ADGRB3: variants seen among roughly 807,000 people sequenced by gnomAD.
The protein encoded by ADGRB3 is adhesion G protein-coupled receptor B3, also known as brain-specific angiogenesis inhibitor 3.
Under a neutral mutation model 193.4 loss-of-function variants are expected in ADGRB3, and 37 were observed. That is an observed-to-expected ratio of 0.19 (90% CI 0.15 to 0.25). The LOEUF is 0.25. ADGRB3 is among the 10% of genes least tolerant of loss of function. The pLI is 1.00. For synonymous variants in ADGRB3, 690 were observed against 644.2 expected (o/e 1.07, Z -1.08); for missense variants, 1,637 against 1,852.9 (o/e 0.88, Z 2.14).
intron 17 of ADGRB3, among the ~76,000 whole-genome samples, chr6:69,204,112 C>A (rs940456153): frequency 2.6e-5 from 4 of 152,040 alleles, no homozygotes; most frequent in Non-Finnish European, 5.9e-5. Flanking sequence ...TAAGCACTAA[C>A]CTTTCTTCTG....
At chr6:69,365,733 C>T (rs1013340234) in intron 29 of ADGRB3, among the ~76,000 whole-genome samples, 15 of 151,946 alleles carry the variant, frequency 9.9e-5, no homozygotes, top group Non-Finnish European at 2.1e-4. Flanking sequence ...AGAAAGGACA[C>T]CATTCTAGGC....
chr6:69,287,746 C>T (rs982815554), intron 20 of ADGRB3, among the ~76,000 whole-genome samples: 2 of 152,164 alleles, frequency 1.3e-5, no homozygotes, highest in Admixed American at 1.3e-4. Flanking sequence ...TGCCTCAATT[C>T]CTCCTCTAGT....
chr6:69,111,226 G>A (rs1020105039), intron 17 of ADGRB3, among the ~76,000 whole-genome samples: 2 of 152,110 alleles, frequency 1.3e-5, no homozygotes, highest in African/African-American at 4.8e-5. Flanking sequence ...CCATTCTTAG[G>A]AAAACCACTC....
intron 30 of ADGRB3, among the ~76,000 whole-genome samples, chr6:69,382,365 G>T (rs12173971): frequency 0.13 from 19,059 of 151,822 alleles, 1,268 homozygotes; most frequent in Middle Eastern, 0.3. Context: ...GGCAGGGCTT[G>T]GGATTTTGTT....
At chr6:69,115,418 G>A (rs1306742192) in intron 17 of ADGRB3, among the ~76,000 whole-genome samples, 3 of 152,070 alleles carry the variant, frequency 2.0e-5, no homozygotes, top group African/African-American at 7.2e-5. Flanking sequence ...ACACAAGGAG[G>A]GGAACAGCAC....
At chr6:68,761,627 A>G (rs1562019101) in intron 3 of ADGRB3, among the ~76,000 whole-genome samples, 2 of 151,282 alleles carry the variant, frequency 1.3e-5, no homozygotes, top group Admixed American at 6.6e-5. Flanking sequence ...CTTTTATTAT[A>G]TAGGCTGTAG....
At chr6:68,895,630 G>A (rs1229302204) in intron 3 of ADGRB3, among the ~76,000 whole-genome samples, 2 of 151,998 alleles carry the variant, frequency 1.3e-5, no homozygotes, top group African/African-American at 2.4e-5. Context: ...AGGGATTACT[G>A]TATTATACAG....
At chr6:69,330,652 T>G (rs1404929896) in intron 23 of ADGRB3, 80 bp downstream of exon 23, 2 of 1,202,226 alleles carry the variant, frequency 1.7e-6, no homozygotes, top group African/African-American at 3.1e-5. Flanking sequence ...GTGGCAATTT[T>G]GATAATGTAG....
At chr6:68,867,547 G>C (rs761371713) in intron 3 of ADGRB3, among the ~76,000 whole-genome samples, 6 of 152,162 alleles carry the variant, frequency 3.9e-5, no homozygotes, top group Non-Finnish European at 5.9e-5. Context: ...ACTGCATAGT[G>C]GAGCTATACA....
chr6:69,156,525 A>G (rs1457202642), intron 17 of ADGRB3, among the ~76,000 whole-genome samples: 1 of 152,164 alleles, frequency 6.6e-6, no homozygotes, highest in African/African-American at 2.4e-5. Flanking sequence ...AAGAAAAGAG[A>G]GTTCATCTGG....
At chr6:69,097,628 A>T (rs1284608827) in intron 17 of ADGRB3, among the ~76,000 whole-genome samples, 2 of 152,168 alleles carry the variant, frequency 1.3e-5, no homozygotes, top group Non-Finnish European at 2.9e-5. Context: ...GAGCTATTGC[A>T]TAATAAAATA....
chr6:68,783,648 A>T (rs1436312165), intron 3 of ADGRB3, among the ~76,000 whole-genome samples: 1 of 151,900 alleles, frequency 6.6e-6, no homozygotes, highest in Non-Finnish European at 1.5e-5. Flanking sequence ...TTCATAAGAG[A>T]AAAGCCTAGG....
Position 68,974,883 on chromosome 6 carries a change from C to T in ADGRB3, c.1627+19C>T, listed in dbSNP as rs746322127. 12 of 1,591,300 alleles carry T rather than the reference C, an allele frequency of 7.5e-6. No homozygotes were observed. The South Asian group carries it at 9.9e-5, about 13-fold the overall frequency. On this transcript the variant is annotated intron_variant, in intron 9 of 31. Coordinates refer to ENST00000370598, the MANE Select transcript of ADGRB3 (RefSeq NM_001704.3). ...GCCACAGGTACAGTAGGATGACCCA[C>T]CCAAACCCTAGTGATAATCCCCATC...
intron 3 of ADGRB3, among the ~76,000 whole-genome samples, chr6:68,768,081 G>A (rs183390353): frequency 2.0e-5 from 3 of 152,236 alleles, no homozygotes; most frequent in Admixed American, 6.6e-5. Context: ...CTCATGCATA[G>A]GAAGAATCAA....
chr6:69,065,790 CACACACACAT>C (rs1562144195), intron 16 of ADGRB3, among the ~76,000 whole-genome samples: 26 of 151,742 alleles, frequency 1.7e-4, no homozygotes, highest in African/African-American at 5.6e-4. Flanking sequence ...CACACACACA[CACACACACAT>C]ATGTACATAT....
At chr6:68,829,882 G>A (rs1353850637) in intron 3 of ADGRB3, among the ~76,000 whole-genome samples, 3 of 151,954 alleles carry the variant, frequency 2.0e-5, no homozygotes, top group Non-Finnish European at 4.4e-5. Flanking sequence ...ATTATTAGAA[G>A]AGGAAATAAA....
chr6:68,725,784 AG>A (rs1257611033), intron 3 of ADGRB3, among the ~76,000 whole-genome samples: 1 of 151,648 alleles, frequency 6.6e-6, no homozygotes, highest in Non-Finnish European at 1.5e-5. Context: ...AGTCAACACT[AG>A]CACAGATCAC....
chr6:68,964,041 T>A (rs970630614), intron 8 of ADGRB3, among the ~76,000 whole-genome samples: 11 of 152,164 alleles, frequency 7.2e-5, no homozygotes, highest in Non-Finnish European at 1.3e-4. Flanking sequence ...ATAAAAAGTT[T>A]GCAATGACTC....
chr6:69,208,776 G>T lies in ADGRB3; in HGVS notation c.2481-24514G>T, dbSNP rs142367391. Among the ~76,000 whole-genome samples, 1,083 of 152,228 alleles carry T rather than the reference G, an allele frequency of 7.1e-3. 20 individuals carry two copies. The highest frequency in any genetic ancestry group is 0.025 in the African/African-American group (1,025 of 41,538). On this transcript the variant is annotated intron_variant, in intron 17 of 31. Coordinates refer to ENST00000370598, the MANE Select transcript of ADGRB3 (RefSeq NM_001704.3). ...TCATGTAACTTACTTGTGCCTTCAG[G>T]ACCTGCTCAAGCCCAATCACATATA...
Sources: allele counts gnomAD v4.1 joint callset (sites outside exome capture counted in the v4.1 genomes callset), GRCh38; gene constraint gnomAD v4.1.1; transcripts MANE v1.5; gene names NCBI Gene and HGNC (gene_info 2026-07-23, HGNC 2026-07-21).